Variants in PACRG observed in about 807,000 individuals in gnomAD.
The protein encoded by PACRG is parkin coregulated gene protein.
Under a neutral mutation model 29.7 loss-of-function variants are expected in PACRG, and 29 were observed. The observed-to-expected ratio is 0.98, with a 90% CI of 0.73 to 1.33. The LOEUF (loss-of-function observed/expected upper bound fraction) is 1.33. PACRG is among the 40% of genes most tolerant of loss of function. PACRG has a pLI of 0.00. For missense variants in PACRG, 279 were observed against 316.2 expected (o/e 0.88, Z 0.89); for synonymous variants, 116 against 118.7 (o/e 0.98, Z 0.15).
chr6:162,922,036 C>T (rs1797100248), intron 2 of PACRG, among the ~76,000 whole-genome samples: 7 of 151,936 alleles, frequency 4.6e-5, no homozygotes, highest in Admixed American at 4.6e-4. Context: ...TGCCTTAAGT[C>T]CCCGCTTTTT....
intron 4 of PACRG, among the ~76,000 whole-genome samples, chr6:163,277,021 A>G (rs1784051660): frequency 6.6e-6 from 1 of 152,040 alleles, no homozygotes; most frequent in African/African-American, 2.4e-5. Flanking sequence ...GTCCTCAGGA[A>G]CTCCAAGTAT....
intron 2 of PACRG, among the ~76,000 whole-genome samples, chr6:163,002,152 C>T (rs9365528): frequency 0.52 from 79,131 of 152,088 alleles, 22,711 homozygotes; most frequent in African/African-American, 0.76. Flanking sequence ...TTAAGAACTT[C>T]TCATTAAAAT....
intron 4 of PACRG, among the ~76,000 whole-genome samples, chr6:163,126,750 A>G (rs1022739665): frequency 6.6e-6 from 1 of 152,232 alleles, no homozygotes; most frequent in African/African-American, 2.4e-5. Flanking sequence ...ATGAAAGCAA[A>G]ATGCCACAGA....
Position 162,783,205 on chromosome 6 carries a change from G to C in PACRG, c.157-30942G>C, listed in dbSNP as rs73786103. On this transcript the variant is annotated intron_variant, in intron 1 of 4. Coordinates refer to ENST00000366888, the MANE Select transcript of PACRG (RefSeq NM_001080379.2). Reference sequence around the variant, plus strand: ...TTTGCTTAGAAACTATAGGTAAATAGATATTTGCATATTTTTAATAGAAAA... The same window carrying C: ...TTTGCTTAGAAACTATAGGTAAATACATATTTGCATATTTTTAATAGAAAA... Among the ~76,000 whole-genome samples the C allele has an allele frequency of 4.4e-3, 668 of 151,990 alleles. 5 individuals are homozygous for C. The highest frequency in any genetic ancestry group is 0.015 in the African/African-American group (640 of 41,538).
intron 2 of PACRG, among the ~76,000 whole-genome samples, chr6:162,944,435 C>T (rs1021574221): frequency 6.6e-6 from 1 of 151,922 alleles, no homozygotes; most frequent in Non-Finnish European, 1.5e-5. Context: ...TATGACACCT[C>T]AAAAGAAATA....
chr6:162,948,046 A>T (rs887702727), intron 2 of PACRG, among the ~76,000 whole-genome samples: 3 of 151,994 alleles, frequency 2.0e-5, no homozygotes, highest in Non-Finnish European at 4.4e-5. Context: ...AAATATAATT[A>T]TAAAATGTGT....
chr6:163,137,718 AGAC>A (rs1313354336), intron 4 of PACRG, among the ~76,000 whole-genome samples: 4 of 152,108 alleles, frequency 2.6e-5, no homozygotes, highest in African/African-American at 9.7e-5. Context: ...GCATCCGTGT[AGAC>A]TCATTTAATC....
chr6:163,117,879 G>A (rs1236873229), intron 4 of PACRG, among the ~76,000 whole-genome samples: 1 of 152,118 alleles, frequency 6.6e-6, no homozygotes, highest in Non-Finnish European at 1.5e-5. Context: ...ACAATGTGTT[G>A]ATGTTCATGC....
chr6:163,180,845 C>T (rs1049234750), intron 4 of PACRG, among the ~76,000 whole-genome samples: 11 of 152,188 alleles, frequency 7.2e-5, no homozygotes, highest in South Asian at 2.1e-4. Context: ...TAACAGCAAA[C>T]GCTGCGTCTC....
At chr6:163,225,575 A>T (rs1781758057) in intron 4 of PACRG, among the ~76,000 whole-genome samples, 1 of 152,186 alleles carries the variant, frequency 6.6e-6, no homozygotes, top group African/African-American at 2.4e-5. Flanking sequence ...GTTTGTAAGG[A>T]TGTGGAAAAA....
At chr6:163,231,076 C>A (rs1042995670) in intron 4 of PACRG, among the ~76,000 whole-genome samples, 52 of 152,316 alleles carry the variant, frequency 3.4e-4, no homozygotes, top group African/African-American at 1.2e-3. Context: ...AGTGGAGACC[C>A]CAAACAGGGG....
chr6:163,121,396 T>A (rs551339861), intron 4 of PACRG, among the ~76,000 whole-genome samples: 3 of 152,334 alleles, frequency 2.0e-5, no homozygotes, highest in African/African-American at 7.2e-5. Flanking sequence ...CTGTCACTTC[T>A]ATTCGATGGA....
intron 3 of PACRG, among the ~76,000 whole-genome samples, chr6:163,084,776 G>A (rs1813391455): frequency 1.4e-5 from 2 of 146,180 alleles, no homozygotes; most frequent in Non-Finnish European, 3.0e-5. Context: ...GATCAATTAG[G>A]TATAGACATG....
At chr6:162,794,515 T>C (rs903020552) in intron 1 of PACRG, among the ~76,000 whole-genome samples, 1 of 152,184 alleles carries the variant, frequency 6.6e-6, no homozygotes, top group Non-Finnish European at 1.5e-5. Context: ...AAGAAATCGT[T>C]GTCTATCCCA....
At chr6:163,081,280 A>G (rs912921268) in intron 3 of PACRG, among the ~76,000 whole-genome samples, 3 of 152,214 alleles carry the variant, frequency 2.0e-5, no homozygotes, top group Non-Finnish European at 4.4e-5. Flanking sequence ...ATAAAATTCT[A>G]TGAGACACTA....
At chr6:162,857,331 C>G (rs1293121215) in intron 2 of PACRG, among the ~76,000 whole-genome samples, 5 of 152,194 alleles carry the variant, frequency 3.3e-5, no homozygotes, top group Middle Eastern at 3.2e-3. Context: ...AAGCCATTGT[C>G]CTCATTAAGC....
At chr6:162,850,716 A>G (rs1167994857) in intron 2 of PACRG, among the ~76,000 whole-genome samples, 1 of 152,154 alleles carries the variant, frequency 6.6e-6, no homozygotes, top group Non-Finnish European at 1.5e-5. Flanking sequence ...CCATCTCTTC[A>G]TCTGTATTTT....
intron 2 of PACRG, among the ~76,000 whole-genome samples, chr6:163,019,430 C>T (rs531180306): frequency 6.6e-5 from 10 of 152,252 alleles, no homozygotes; most frequent in South Asian, 4.1e-4. Context: ...TGGGCAGCTC[C>T]GCTCGATTTG....
At chr6:163,072,140 A>G (rs1167716087) in intron 3 of PACRG, among the ~76,000 whole-genome samples, 1 of 151,694 alleles carries the variant, frequency 6.6e-6, no homozygotes, top group East Asian at 1.9e-4. Flanking sequence ...TAAAACAAAA[A>G]GAAAGAAAGA....
Sources: allele counts gnomAD v4.1 joint callset (sites outside exome capture counted in the v4.1 genomes callset), GRCh38; gene constraint gnomAD v4.1.1; transcripts MANE v1.5; gene names NCBI Gene and HGNC (gene_info 2026-07-23, HGNC 2026-07-21).